The following PLLP variants were observed in gnomAD, a reference collection of about 807,000 sequenced individuals.
The protein encoded by PLLP is plasmolipin.
A neutral mutation model predicts 19.7 loss-of-function variants in PLLP; 15 were observed. That is an observed-to-expected ratio of 0.76 (90% CI 0.51 to 1.17). PLLP has a LOEUF of 1.17. Ranked by LOEUF, PLLP falls within the 50% of genes most tolerant of loss-of-function variation. The probability of loss-of-function intolerance (pLI) is 0.00; values close to 1 mark genes in which losing one functional copy is unlikely to be tolerated. For missense variants in PLLP, 255 were observed against 258.3 expected, an observed-to-expected ratio of 0.99 and a Z score of 0.09; for synonymous variants, 111 against 116.3, an observed-to-expected ratio of 0.95 and a Z score of 0.29.
At chr16:57,261,696 G>A (rs753814056) in intron 2 of PLLP, among the ~76,000 whole-genome samples, 2 of 152,164 alleles carry the variant, frequency 1.3e-5, no homozygotes, top group African/African-American at 4.8e-5. Context: ...ACTCCAGCCT[G>A]CACATAGTGA....
At chr16:57,279,589 C>T (rs964751566) in intron 1 of PLLP, among the ~76,000 whole-genome samples, 2 of 151,622 alleles carry the variant, frequency 1.3e-5, no homozygotes, top group Non-Finnish European at 2.9e-5. Flanking sequence ...GTGGGAGGAT[C>T]GTCTGAGCCT....
At chr16:57,275,617 ACACTACAACAAAATTTTGCAAGGC>A (rs1567532494) in intron 1 of PLLP, among the ~76,000 whole-genome samples, 7 of 141,114 alleles carry the variant, frequency 5.0e-5, no homozygotes, top group Non-Finnish European at 7.6e-5. Flanking sequence ...AAAAAAAAAA[ACACTACAACAAAATTTTGCAAGGC>A]AAAAAAAAAA....
intron 3 of PLLP, among the ~76,000 whole-genome samples, chr16:57,258,227 T>C (rs1481774838): frequency 1.3e-5 from 2 of 151,712 alleles, no homozygotes; most frequent in African/African-American, 4.8e-5. Context: ...CAAGATTCCA[T>C]CTCAAAAAAA....
intron 1 of PLLP, among the ~76,000 whole-genome samples, chr16:57,263,635 G>A (rs1261448369): frequency 1.3e-5 from 2 of 152,202 alleles, no homozygotes; most frequent in African/African-American, 4.8e-5. Flanking sequence ...GGCCAGCAAA[G>A]GGCCAGCTGA....
chr16:57,260,242 T>G (rs561160371), intron 2 of PLLP, among the ~76,000 whole-genome samples: 5 of 152,322 alleles, frequency 3.3e-5, no homozygotes, highest in African/African-American at 1.2e-4. Context: ...GCCCCATTCG[T>G]TGAGGGTCCA....
At chr16:57,258,005 A>C (rs2075431104) in intron 3 of PLLP, among the ~76,000 whole-genome samples, 2 of 151,838 alleles carry the variant, frequency 1.3e-5, no homozygotes, top group African/African-American at 4.8e-5. Flanking sequence ...ACATGGTGAA[A>C]CTCCGTCTCT....
chr16:57,266,609 C>T (rs1226546536), intron 1 of PLLP, among the ~76,000 whole-genome samples: 1 of 152,110 alleles, frequency 6.6e-6, no homozygotes, highest in Non-Finnish European at 1.5e-5. Flanking sequence ...AGGGAGGGTG[C>T]CACGTGGGTA....
chr16:57,263,583 G>A (rs1289674232), intron 1 of PLLP, among the ~76,000 whole-genome samples: 6 of 152,118 alleles, frequency 3.9e-5, no homozygotes, highest in Non-Finnish European at 7.4e-5. Context: ...AATTCTCTGC[G>A]GCAGGTTTGT....
At chr16:57,282,702 A>T (rs1273344722) in intron 1 of PLLP, among the ~76,000 whole-genome samples, 2 of 152,082 alleles carry the variant, frequency 1.3e-5, no homozygotes, top group Non-Finnish European at 2.9e-5. Flanking sequence ...AAGTGCTTCA[A>T]CTCCAGCACC....
At chr16:57,282,960 A>G (rs1391658433) in intron 1 of PLLP, among the ~76,000 whole-genome samples, 1 of 152,034 alleles carries the variant, frequency 6.6e-6, no homozygotes, top group Non-Finnish European at 1.5e-5. Context: ...GCAGCTGCTC[A>G]TGGCTGTGCC....
At chr16:57,272,290 TG>T (rs1414953558) in intron 1 of PLLP, among the ~76,000 whole-genome samples, 1 of 152,186 alleles carries the variant, frequency 6.6e-6, no homozygotes, top group Non-Finnish European at 1.5e-5. Flanking sequence ...ACCCAGGATG[TG>T]GGGACATTCC....
At position 57,259,852 on chromosome 16, in the gene PLLP, CG is replaced by C. The variant is rs555764886; in HGVS notation, c.310-1269del. Among the ~76,000 whole-genome samples the C allele has an allele frequency of 2.0e-3, 300 of 151,984 alleles. 2 individuals are homozygous for C. The highest frequency in any genetic ancestry group is 7.0e-3 in the African/African-American group (289 of 41,442). ...ATTAGCCAAGAGTGATGGTGCCCAC[CG>C]GTAATCCCAGCTACACAGGAGGCTG... On this transcript the variant is annotated intron_variant, in intron 2 of 3. Coordinates refer to ENST00000219207, the MANE Select transcript of PLLP (RefSeq NM_015993.3).
Position 57,284,399 on chromosome 16 carries a change from C to T in PLLP, c.135+7G>A. ...GGCCAACCCCGTGGGCCCGCGCGTG[C>T]TCTCACCAGCTGCAGCAGCATGAGC... On this transcript the variant is annotated splice_region_variant and intron_variant, in intron 1 of 3. Coordinates refer to ENST00000219207, the MANE Select transcript of PLLP (RefSeq NM_015993.3). The T allele has an allele frequency of 2.9e-6, 4 of 1,401,290 alleles. No individual in the cohort carries two copies. The highest frequency in any genetic ancestry group is 3.7e-6 in the Non-Finnish European group (4 of 1,075,754). The allele number at this position is 1,401,290 out of a possible 1,614,324, so 86.8% of individuals were successfully genotyped here. A position where few individuals can be genotyped will look rare whatever the true frequency, so the allele number is the denominator to read the frequency against.
At chr16:57,283,756 G>A (rs1403539794) in intron 1 of PLLP, among the ~76,000 whole-genome samples, 1 of 152,214 alleles carries the variant, frequency 6.6e-6, no homozygotes, top group African/African-American at 2.4e-5. Context: ...GTCCCGTGGG[G>A]CTGGCTAAAC....
chr16:57,272,444 A>G (rs7189049), intron 1 of PLLP, among the ~76,000 whole-genome samples: 68,276 of 152,066 alleles, frequency 0.45, 15,545 homozygotes, highest in African/African-American at 0.48. Context: ...TCATCCTTCC[A>G]TCGGCCCCTC....
intron 2 of PLLP, 71 bp from the exon 3 acceptor site, chr16:57,258,655 T>G: frequency 6.1e-5 from 91 of 1,482,656 alleles, no homozygotes; most frequent in African/African-American, 8.3e-5. Flanking sequence ...GACACGGTGG[T>G]TCACACCTGT....
rs1462223417 is a variant in PLLP, at chr16:57,257,006, G to A, written c.456C>T (p.Ile152=). 15 of 1,613,282 alleles carry A rather than the reference G, an allele frequency of 9.3e-6. No homozygotes were observed. The highest frequency in any genetic ancestry group is 1.7e-5 in the Admixed American group (1 of 59,982). The change falls in exon 4 of 4, where the codon ATC becomes ATT. Residue 152 remains isoleucine (I), a synonymous_variant. Transcript: ENST00000219207. ...TGAAGAAGGCACTCACTCCATAGGC[G>A]ATCATCACCAAACACGCAAAGAACT... ...AASFFACLVM[I]AYGVSAFFSY... is the part of the protein sequence containing the mutation.
At chr16:57,271,620 G>A (rs1305963052) in intron 1 of PLLP, among the ~76,000 whole-genome samples, 1 of 151,844 alleles carries the variant, frequency 6.6e-6, no homozygotes, top group Non-Finnish European at 1.5e-5. Context: ...ACTCCAGCCT[G>A]GGCAATAAGA....
At chr16:57,267,264 G>A (rs1282640056) in intron 1 of PLLP, among the ~76,000 whole-genome samples, 1 of 152,116 alleles carries the variant, frequency 6.6e-6, no homozygotes, top group East Asian at 1.9e-4. Flanking sequence ...CTGGGAATGT[G>A]GCCTTATTTG....
Sources: allele counts gnomAD v4.1 joint callset (sites outside exome capture counted in the v4.1 genomes callset), GRCh38; gene constraint gnomAD v4.1.1; transcripts MANE v1.5; gene names NCBI Gene and HGNC (gene_info 2026-07-23, HGNC 2026-07-21).